The following SNX29 variants were observed in gnomAD, a reference collection of about 807,000 sequenced individuals.
SNX29 encodes the protein sorting nexin 29, also known as sorting nexin-29.
A neutral mutation model predicts 102.1 loss-of-function variants in SNX29; 78 were observed. That is an observed-to-expected ratio of 0.76 (90% CI 0.64 to 0.92). The LOEUF (loss-of-function observed/expected upper bound fraction) is 0.92. Ranked by LOEUF, SNX29 falls within the 40% of genes least tolerant of loss-of-function variation. The pLI, the probability that SNX29 is intolerant of heterozygous loss-of-function variation, is 0.00. For synonymous variants in SNX29, 580 were observed against 414.5 expected, an observed-to-expected ratio of 1.40 and a Z score of -4.85; for missense variants, 1,280 against 1,061.7, an observed-to-expected ratio of 1.21 and a Z score of -2.86.
At chr16:12,404,560 C>G (rs755429701) in intron 18 of SNX29, among the ~76,000 whole-genome samples, 1 of 152,120 alleles carries the variant, frequency 6.6e-6, no homozygotes, top group Non-Finnish European at 1.5e-5. Flanking sequence ...TGTTTTATTC[C>G]CCATGAGCTC....
At chr16:12,312,980 C>T (rs1164560702) in intron 15 of SNX29, among the ~76,000 whole-genome samples, 1 of 151,164 alleles carries the variant, frequency 6.6e-6, no homozygotes, top group Non-Finnish European at 1.5e-5. Flanking sequence ...CTAGCATTGT[C>T]ATAAAGGAGC....
At chr16:12,453,823 GC>G (rs1481004088) in intron 18 of SNX29, among the ~76,000 whole-genome samples, 102 of 152,234 alleles carry the variant, frequency 6.7e-4, no homozygotes, top group African/African-American at 2.0e-3. Context: ...AAGACTGTAG[GC>G]ATTTAGATGG....
At chr16:12,343,718 G>A (rs903660201) in intron 15 of SNX29, among the ~76,000 whole-genome samples, 3 of 132,780 alleles carry the variant, frequency 2.3e-5, no homozygotes, top group African/African-American at 1.2e-4. Context: ...GTGAGGGCAG[G>A]GGCAGGGGCA....
chr16:12,512,630 A>G (rs1252703827), intron 19 of SNX29, among the ~76,000 whole-genome samples: 1 of 147,662 alleles, frequency 6.8e-6, no homozygotes, highest in Non-Finnish European at 1.5e-5. Flanking sequence ...CGAGCATCCC[A>G]TGGATACGCA....
chr16:12,144,557 C>A (rs1265125334), intron 13 of SNX29, among the ~76,000 whole-genome samples: 7 of 152,204 alleles, frequency 4.6e-5, no homozygotes, highest in African/African-American at 1.7e-4. Context: ...TTACTGCCTT[C>A]TGACCTATGA....
chr16:12,478,385 T>C (rs1469988928), intron 19 of SNX29, among the ~76,000 whole-genome samples: 1 of 152,252 alleles, frequency 6.6e-6, no homozygotes, highest in Non-Finnish European at 1.5e-5. Context: ...GAGTAGAACT[T>C]TCTCAGAGGA....
At chr16:12,301,073 G>C (rs1323890311) in intron 15 of SNX29, among the ~76,000 whole-genome samples, 1 of 152,120 alleles carries the variant, frequency 6.6e-6, no homozygotes, top group African/African-American at 2.4e-5. Context: ...CATTCAGCTA[G>C]CTAATCAAGT....
chr16:12,219,069 T>A (rs111445228), intron 14 of SNX29, among the ~76,000 whole-genome samples: 6,121 of 152,212 alleles, frequency 0.04, 429 homozygotes, highest in African/African-American at 0.14. Flanking sequence ...CCACCGCGCC[T>A]GGCCCTGTTT....
At chr16:12,284,676 T>C (rs2079537219) in intron 15 of SNX29, among the ~76,000 whole-genome samples, 1 of 152,172 alleles carries the variant, frequency 6.6e-6, no homozygotes, top group Non-Finnish European at 1.5e-5. Flanking sequence ...AAGACTCTAA[T>C]TGTTTTCTGT....
intron 19 of SNX29, among the ~76,000 whole-genome samples, chr16:12,493,274 G>A (rs1019350038): frequency 2.0e-5 from 3 of 151,928 alleles, no homozygotes; most frequent in East Asian, 3.9e-4. Flanking sequence ...TGGATTCCTA[G>A]GTATTTTATT....
chr16:12,456,824 G>T (rs1252399407), intron 18 of SNX29, among the ~76,000 whole-genome samples: 1 of 152,146 alleles, frequency 6.6e-6, no homozygotes, highest in Non-Finnish European at 1.5e-5. Flanking sequence ...GTTCTGAGCT[G>T]CTGGCCTTCA....
In SNX29 at chr16:12,542,105, G is replaced by A. The variant is rs80051819; in HGVS notation, c.2318+17264G>A. On this transcript the variant is annotated intron_variant, in intron 20 of 20. Transcript: ENST00000566228. ...TCCTGCAATATTGTCTCTTCCCAACGGATCCCTAAATTGAGCCAGCATTTC... is the reference window on the plus strand; with the variant it reads ...TCCTGCAATATTGTCTCTTCCCAACAGATCCCTAAATTGAGCCAGCATTTC... 1.5e-3 allele frequency among the ~76,000 whole-genome samples: 229 copies of A among 152,066 alleles called. 1 individual carries two copies. The highest frequency in any genetic ancestry group is 4.6e-3 in the South Asian group (22 of 4,808).
intron 20 of SNX29, among the ~76,000 whole-genome samples, chr16:12,564,731 G>GT (rs1048468925): frequency 1.4e-4 from 21 of 151,954 alleles, no homozygotes; most frequent in African/African-American, 4.8e-4. Context: ...TAAAAATGCA[G>GT]TTGTGCCTAA....
At chr16:12,456,878 C>G (rs2086563275) in intron 18 of SNX29, among the ~76,000 whole-genome samples, 1 of 152,138 alleles carries the variant, frequency 6.6e-6, no homozygotes, top group African/African-American at 2.4e-5. Flanking sequence ...GGAGCACCCT[C>G]TGAACTCCCA....
At chr16:12,469,021 A>C (rs368389689) in intron 18 of SNX29, among the ~76,000 whole-genome samples, 1 of 152,176 alleles carries the variant, frequency 6.6e-6, no homozygotes, top group African/African-American at 2.4e-5. Flanking sequence ...TCCGAGACAC[A>C]GGGGCTGCTC....
At chr16:12,158,148 G>A (rs961325825) in intron 13 of SNX29, among the ~76,000 whole-genome samples, 1 of 151,796 alleles carries the variant, frequency 6.6e-6, no homozygotes, top group African/African-American at 2.4e-5. Context: ...GCGCCATCAT[G>A]GCTCACTGCA....
At chr16:12,117,214 C>A (rs1339237783) in intron 11 of SNX29, among the ~76,000 whole-genome samples, 1 of 146,312 alleles carries the variant, frequency 6.8e-6, no homozygotes, top group Non-Finnish European at 1.5e-5. Context: ...ACCGTGGAAA[C>A]AGGCATGGTC....
intron 20 of SNX29, among the ~76,000 whole-genome samples, chr16:12,533,912 T>G (rs2141190810): frequency 6.6e-6 from 1 of 152,354 alleles, no homozygotes; most frequent in South Asian, 2.1e-4. Flanking sequence ...ATGCACATCT[T>G]CATATAAAAT....
At chr16:12,220,527 A>C (rs74317839) in intron 14 of SNX29, among the ~76,000 whole-genome samples, 1 of 152,238 alleles carries the variant, frequency 6.6e-6, no homozygotes, top group African/African-American at 2.4e-5. Flanking sequence ...CTGGTGAAAA[A>C]TGGAAAGAGT....
Sources: allele counts gnomAD v4.1 joint callset (sites outside exome capture counted in the v4.1 genomes callset), GRCh38; gene constraint gnomAD v4.1.1; transcripts MANE v1.5; gene names NCBI Gene and HGNC (gene_info 2026-07-23, HGNC 2026-07-21).